NAPA: variants seen among roughly 807,000 people sequenced by gnomAD.
The protein encoded by NAPA is NSF attachment protein alpha.
In NAPA, 18 loss-of-function variants were observed where a neutral mutation model predicts 48.0. The observed-to-expected ratio is 0.38, with a 90% CI of 0.26 to 0.56. The LOEUF is 0.56. Ranked by LOEUF, NAPA falls within the 20% of genes least tolerant of loss-of-function variation. NAPA has a pLI of 0.77. For missense variants in NAPA, 315 were observed against 385.0 expected (o/e 0.82, Z 1.52); for synonymous variants, 152 against 149.9 (o/e 1.01, Z -0.10).
At chr19:47,510,417 C>T (rs554569568) in intron 1 of NAPA, among the ~76,000 whole-genome samples, 3 of 152,328 alleles carry the variant, frequency 2.0e-5, no homozygotes, top group South Asian at 2.1e-4. Flanking sequence ...CTTCCAATGA[C>T]AATACCTACT....
intron 9 of NAPA, among the ~76,000 whole-genome samples, 175 bp from the exon 10 acceptor site, chr19:47,489,936 C>T (rs1162677127): frequency 6.6e-6 from 1 of 152,184 alleles, no homozygotes; most frequent in Non-Finnish European, 1.5e-5. Context: ...GTGTTGCGAT[C>T]CTGCTGCCCT....
At chr19:47,510,446 C>T (rs946237776) in intron 1 of NAPA, among the ~76,000 whole-genome samples, 1 of 152,198 alleles carries the variant, frequency 6.6e-6, no homozygotes. Flanking sequence ...TGACAGTGAG[C>T]CCTTAATAAA....
In NAPA at chr19:47,513,830, TTTTCTTTC is replaced by T. The variant is rs1211575788; in HGVS notation, c.98+1005_98+1012del. ...CCTCAACCCAGGCCTCCTCAGGCTT[TTTTCTTTC>T]TTTCTTTCTTTTTTTTTTTTTTTTT... On this transcript the variant is annotated intron_variant, in intron 1 of 10. Coordinates refer to ENST00000263354, the MANE Select transcript of NAPA (RefSeq NM_003827.4). Among the ~76,000 whole-genome samples the T allele has an allele frequency of 4.1e-5, 6 of 146,444 alleles. No homozygotes were observed. In the South Asian group the frequency reaches 6.3e-4, roughly 15 times the overall value.
intron 9 of NAPA, 104 bp downstream of exon 9, chr19:47,490,684 C>A: frequency 1.1e-5 from 4 of 364,098 alleles, no homozygotes; most frequent in South Asian, 1.3e-4. Context: ...ACAAAGACAC[C>A]CTCTGAGAAC....
chr19:47,494,729 C>CT (rs1299211215), intron 4 of NAPA, among the ~76,000 whole-genome samples: 11 of 97,558 alleles, frequency 1.1e-4, no homozygotes, highest in South Asian at 4.2e-4. Context: ...GAGAGAAACT[C>CT]TGTCTCAAAA....
downstream of NAPA, among the ~76,000 whole-genome samples, chr19:47,485,104 AC>A (rs1968033204): frequency 6.6e-6 from 1 of 151,944 alleles, no homozygotes; most frequent in Admixed American, 6.6e-5. Flanking sequence ...TTTATCGAAC[AC>A]CTACTTGGTG....
intron 1 of NAPA, among the ~76,000 whole-genome samples, chr19:47,511,088 G>A (rs1417430057): frequency 6.6e-6 from 1 of 152,222 alleles, no homozygotes; most frequent in Non-Finnish European, 1.5e-5. Flanking sequence ...CTTTGACAGG[G>A]GCAGAGGCCC....
At chr19:47,492,898 TAGG>T (rs1392866347) in intron 7 of NAPA, 60 bp downstream of exon 7, 17 of 1,528,984 alleles carry the variant, frequency 1.1e-5, no homozygotes, top group Middle Eastern at 1.7e-4. Context: ...TGCCGGGGCT[TAGG>T]AGGAGGCACA....
chr19:47,505,469 G>GA (rs1351549456), intron 1 of NAPA: 1 of 152,264 alleles, frequency 6.6e-6, no homozygotes, highest in Non-Finnish European at 1.5e-5. Context: ...TCAGCCACAT[G>GA]AAGTGCTCAT....
downstream of NAPA, among the ~76,000 whole-genome samples, chr19:47,486,600 C>T (rs1968084973): frequency 6.6e-6 from 1 of 152,218 alleles, no homozygotes; most frequent in African/African-American, 2.4e-5. Flanking sequence ...AGCACCCAGC[C>T]CCAAGTCTGG....
At chr19:47,489,629 T>C (rs886844346) in intron 10 of NAPA, 82 bp downstream of exon 10, 12 of 1,469,266 alleles carry the variant, frequency 8.2e-6, no homozygotes, top group South Asian at 5.8e-5. Context: ...GTGAATGTCA[T>C]GGAGAGCGTG....
chr19:47,496,897 C>T (rs574604786), intron 3 of NAPA: 3 of 454,964 alleles, frequency 6.6e-6, no homozygotes, highest in South Asian at 3.1e-5. Context: ...AGAAAGACCT[C>T]TGGGGATCTA....
intron 9 of NAPA, among the ~76,000 whole-genome samples, chr19:47,490,164 G>T (rs1408151198): frequency 1.3e-5 from 2 of 148,738 alleles, no homozygotes; most frequent in African/African-American, 2.5e-5. Context: ...TGTGTGTGTG[G>T]GGTGTGTGTG....
chr19:47,489,171 G>A, intron 10 of NAPA: 1 of 154,444 alleles, frequency 6.5e-6, no homozygotes, highest in Non-Finnish European at 1.4e-5. Context: ...CTTGACATGT[G>A]CCATTAGAGG....
Position 47,492,599 on chromosome 19 carries a change from A to T in NAPA, c.561+362T>A, listed in dbSNP as rs556905991. The stretch of plus-strand genomic sequence containing the variant: ...TCCCTCCCTCCCACTGTGGATGAGG[A>T]CCATCGGGCCATGGGGTGGGGTGCC... On this transcript the variant is annotated intron_variant, in intron 7 of 10. Coordinates refer to ENST00000263354, the MANE Select transcript of NAPA (RefSeq NM_003827.4). The T allele has an allele frequency of 2.9e-3, 1,218 of 427,018 alleles. 5 individuals are homozygous for T. Among genetic ancestry groups the T allele is most frequent in the Non-Finnish European group, 4.6e-3 (1,024 of 224,542 alleles). 26.5% of individuals were successfully genotyped at this position (427,018 alleles called of 1,614,324 possible).
chr19:47,509,282 T>C (rs901880017), intron 1 of NAPA, among the ~76,000 whole-genome samples: 11 of 145,990 alleles, frequency 7.5e-5, no homozygotes, highest in East Asian at 5.9e-4. Flanking sequence ...GAGTTTCTTG[T>C]GGTGGTAAAA....
chr19:47,492,697 G>A, intron 7 of NAPA: 1 of 623,442 alleles, frequency 1.6e-6, no homozygotes, highest in Non-Finnish European at 3.0e-6. Context: ...CCTCACTCTG[G>A]GCCCCTCCAG....
chr19:47,494,326 A>C (rs1968359285), intron 4 of NAPA, among the ~76,000 whole-genome samples: 1 of 152,224 alleles, frequency 6.6e-6, no homozygotes, highest in Non-Finnish European at 1.5e-5. Context: ...AATAAATGGC[A>C]GCTGCTATTA....
intron 3 of NAPA, among the ~76,000 whole-genome samples, chr19:47,498,523 G>T (rs1177488658): frequency 1.3e-5 from 2 of 152,202 alleles, no homozygotes; most frequent in Non-Finnish European, 1.5e-5. Context: ...GGGAGGCAGG[G>T]TCCTCCCAGA....
Sources: allele counts gnomAD v4.1 joint callset (sites outside exome capture counted in the v4.1 genomes callset), GRCh38; gene constraint gnomAD v4.1.1; transcripts MANE v1.5; gene names NCBI Gene and HGNC (gene_info 2026-07-23, HGNC 2026-07-21).